SLC35F4: variants seen among roughly 807,000 people sequenced by gnomAD.
SLC35F4 encodes solute carrier family 35 member F4.
SLC35F4 carries 24 observed loss-of-function variants against 44.2 expected under a neutral mutation model. The observed-to-expected ratio is 0.54, with a 90% CI of 0.39 to 0.76. The LOEUF (loss-of-function observed/expected upper bound fraction) is 0.76, where lower values mean the gene tolerates loss of function less well. Ranked by LOEUF, SLC35F4 falls within the 30% of genes least tolerant of loss-of-function variation. The probability of loss-of-function intolerance (pLI) is 0.00; values close to 1 mark genes in which losing one functional copy is unlikely to be tolerated. For missense variants in SLC35F4, 562 were observed against 586.1 expected (o/e 0.96, Z 0.42); for synonymous variants, 238 against 223.6 (o/e 1.06, Z -0.57).
At chr14:57,803,263 G>A (rs994978898) in intron 1 of SLC35F4, among the ~76,000 whole-genome samples, 1 of 152,126 alleles carries the variant, frequency 6.6e-6, no homozygotes, top group East Asian at 1.9e-4. Context: ...ACCCCTTCAT[G>A]TTAAACACTC....
At chr14:57,952,534 C>T (rs1426317235) in intron 1 of SLC35F4, among the ~76,000 whole-genome samples, 3 of 151,684 alleles carry the variant, frequency 2.0e-5, no homozygotes, top group African/African-American at 7.3e-5. Flanking sequence ...AAGCTAAGAA[C>T]CTTGAAAAAA....
At chr14:57,661,255 A>T (rs2074128143) in intron 1 of SLC35F4, among the ~76,000 whole-genome samples, 1 of 152,112 alleles carries the variant, frequency 6.6e-6, no homozygotes, top group Non-Finnish European at 1.5e-5. Flanking sequence ...GCACACAACT[A>T]ATCATTGGTA....
chr14:57,906,073 G>A (rs140236486), intron 1 of SLC35F4, among the ~76,000 whole-genome samples: 105 of 152,278 alleles, frequency 6.9e-4, no homozygotes, highest in African/African-American at 2.4e-3. Flanking sequence ...GTAGGCATGA[G>A]GACAGTGTGC....
chr14:57,980,235 T>A (rs568662521), intron 1 of SLC35F4, among the ~76,000 whole-genome samples: 1 of 152,178 alleles, frequency 6.6e-6, no homozygotes, highest in African/African-American at 2.4e-5. Context: ...GATGGTTTTA[T>A]TTTTCTGAAG....
intron 1 of SLC35F4, among the ~76,000 whole-genome samples, chr14:57,687,955 G>C (rs1188222071): frequency 6.6e-6 from 1 of 152,204 alleles, no homozygotes; most frequent in African/African-American, 2.4e-5. Flanking sequence ...TTGTCACACT[G>C]CAAGATTGTA....
At chr14:57,804,507 C>G (rs1025266191) in intron 1 of SLC35F4, among the ~76,000 whole-genome samples, 1 of 152,134 alleles carries the variant, frequency 6.6e-6, no homozygotes, top group Non-Finnish European at 1.5e-5. Context: ...CTCACAAAAA[C>G]AAGCAATGGG....
intron 1 of SLC35F4, among the ~76,000 whole-genome samples, chr14:57,710,234 C>G (rs1040208968): frequency 6.6e-6 from 1 of 152,246 alleles, no homozygotes; most frequent in South Asian, 2.1e-4. Flanking sequence ...TCAGAGGGTG[C>G]AAGCCCTAAG....
intron 1 of SLC35F4, among the ~76,000 whole-genome samples, chr14:57,702,370 T>G (rs2075565609): frequency 6.7e-6 from 1 of 150,134 alleles, no homozygotes; most frequent in Non-Finnish European, 1.5e-5. Context: ...GGTGCTTAAC[T>G]GAAAACTGAT....
chr14:57,734,550 T>G (rs1196534761), intron 1 of SLC35F4, among the ~76,000 whole-genome samples: 1 of 152,170 alleles, frequency 6.6e-6, no homozygotes, highest in African/African-American at 2.4e-5. Flanking sequence ...GCAATCCACA[T>G]GTAAAAAGGA....
intron 1 of SLC35F4, among the ~76,000 whole-genome samples, chr14:57,883,486 T>G (rs1362281667): frequency 6.6e-6 from 1 of 152,194 alleles, no homozygotes; most frequent in Non-Finnish European, 1.5e-5. Flanking sequence ...CTATCATCCT[T>G]TTAAGATTTT....
At position 57,742,429 on chromosome 14, in the gene SLC35F4, C is replaced by A. The variant is rs189006105; in HGVS notation, c.103+123294G>T. On this transcript the variant is annotated intron_variant, in intron 1 of 7. Transcript: ENST00000556826. ...ATAAAGCAGAGGTTGCAATCCTAGT[C>A]TCTGATAAAACAGACTTTAAACCAA... 1.9e-3 allele frequency among the ~76,000 whole-genome samples: 292 copies of A among 152,230 alleles called. 1 individual carries two copies. The highest frequency in any genetic ancestry group is 6.6e-3 in the African/African-American group (274 of 41,542).
At chr14:57,849,715 G>A (rs898697265) in intron 1 of SLC35F4, among the ~76,000 whole-genome samples, 1 of 151,968 alleles carries the variant, frequency 6.6e-6, no homozygotes, top group South Asian at 2.1e-4. Flanking sequence ...ATAGACAAAG[G>A]GATAGAAAAC....
upstream of SLC35F4, among the ~76,000 whole-genome samples, chr14:57,982,478 A>G (rs879408375): frequency 6.6e-6 from 1 of 152,104 alleles, no homozygotes; most frequent in Non-Finnish European, 1.5e-5. Context: ...GTGTTGAGGA[A>G]GGGTTGTTCT....
At chr14:57,893,511 C>A (rs955397827) in intron 1 of SLC35F4, among the ~76,000 whole-genome samples, 1 of 152,208 alleles carries the variant, frequency 6.6e-6, no homozygotes, top group African/African-American at 2.4e-5. Context: ...AAAGCCCATG[C>A]TCTCTGCCAT....
chr14:57,614,777 A>G (rs1389298139), intron 1 of SLC35F4, among the ~76,000 whole-genome samples: 1 of 152,208 alleles, frequency 6.6e-6, no homozygotes, highest in Non-Finnish European at 1.5e-5. Flanking sequence ...ACAGCTCCCC[A>G]TAATGACTTC....
intron 1 of SLC35F4, among the ~76,000 whole-genome samples, chr14:57,698,324 A>G (rs1358293005): frequency 6.6e-6 from 1 of 152,126 alleles, no homozygotes; most frequent in Non-Finnish European, 1.5e-5. Context: ...TTACGATTAT[A>G]TTCTCCCTTA....
chr14:57,726,906 G>A (rs2076217754), intron 1 of SLC35F4, among the ~76,000 whole-genome samples: 1 of 152,096 alleles, frequency 6.6e-6, no homozygotes, highest in South Asian at 2.1e-4. Flanking sequence ...AGCACAGCTA[G>A]AATATAAAGC....
At chr14:57,568,898 A>C (rs1200725085) in intron 6 of SLC35F4, among the ~76,000 whole-genome samples, 1 of 152,106 alleles carries the variant, frequency 6.6e-6, no homozygotes, top group Non-Finnish European at 1.5e-5. Flanking sequence ...GGGATGAGGG[A>C]TGAGCAACAA....
At chr14:57,605,252 T>A (rs1432367468) in intron 1 of SLC35F4, among the ~76,000 whole-genome samples, 1 of 151,632 alleles carries the variant, frequency 6.6e-6, no homozygotes, top group Non-Finnish European at 1.5e-5. Context: ...GGAACTCAAA[T>A]CAACAAGAAA....
Sources: gnomAD v4.1 joint callset for allele counts (sites outside exome capture counted in the v4.1 genomes callset) on GRCh38, gnomAD v4.1.1 for gene constraint, MANE v1.5 for transcripts, NCBI Gene and HGNC (gene_info 2026-07-23, HGNC 2026-07-21) for gene names.